The following LRRC1 variants were observed in gnomAD, a reference collection of about 807,000 sequenced individuals.
LRRC1 encodes the protein leucine rich repeat containing 1.
LRRC1 carries 28 observed loss-of-function variants against 69.9 expected under a neutral mutation model. The observed-to-expected ratio is 0.40, with a 90% CI of 0.30 to 0.55. LRRC1 has a LOEUF of 0.55. LRRC1 is among the 20% of genes least tolerant of loss of function. The pLI is 0.47. For missense variants in LRRC1, 498 were observed against 609.0 expected, an observed-to-expected ratio of 0.82 and a Z score of 1.92; for synonymous variants, 236 against 240.2, an observed-to-expected ratio of 0.98 and a Z score of 0.16.
chr6:53,801,266 A>G (rs186328130), intron 1 of LRRC1, among the ~76,000 whole-genome samples: 4 of 152,374 alleles, frequency 2.6e-5, no homozygotes, highest in East Asian at 3.9e-4. Context: ...AAACATTGCA[A>G]GCAGCCATAC....
chr6:53,862,452 T>C (rs578188360), intron 2 of LRRC1, among the ~76,000 whole-genome samples: 1 of 152,266 alleles, frequency 6.6e-6, no homozygotes, highest in East Asian at 1.9e-4. Flanking sequence ...TTACTTTGTG[T>C]GTGTGTGAAT....
chr6:53,899,929 C>T, intron 8 of LRRC1, 38 bp downstream of exon 8: 2 of 1,585,994 alleles, frequency 1.3e-6, no homozygotes, highest in Non-Finnish European at 1.7e-6. Context: ...AACATACTGC[C>T]TGCCGTCGTC....
At chr6:53,845,064 C>T (rs1339181600) in intron 2 of LRRC1, among the ~76,000 whole-genome samples, 3 of 152,108 alleles carry the variant, frequency 2.0e-5, no homozygotes, top group Non-Finnish European at 2.9e-5. Flanking sequence ...ATTAACCAGG[C>T]TTGGTGGCAC....
At chr6:53,880,114 G>A (rs1172910515) in intron 3 of LRRC1, among the ~76,000 whole-genome samples, 1 of 151,928 alleles carries the variant, frequency 6.6e-6, no homozygotes, top group African/African-American at 2.4e-5. Flanking sequence ...AAATTTCTTG[G>A]GACTTCTTGG....
intron 2 of LRRC1, among the ~76,000 whole-genome samples, chr6:53,856,968 T>A (rs1766329117): frequency 6.6e-6 from 1 of 152,150 alleles, no homozygotes; most frequent in Non-Finnish European, 1.5e-5. Flanking sequence ...AAGTTCCCAC[T>A]TCCCACCACA....
chr6:53,815,250 G>A (rs1458061678), intron 1 of LRRC1, among the ~76,000 whole-genome samples: 1 of 152,090 alleles, frequency 6.6e-6, no homozygotes, highest in Non-Finnish European at 1.5e-5. Context: ...TGGGCTTTGG[G>A]TTGAATGGGC....
At chr6:53,895,653 A>G (rs1336561742) in intron 4 of LRRC1, among the ~76,000 whole-genome samples, 1 of 152,186 alleles carries the variant, frequency 6.6e-6, no homozygotes, top group East Asian at 1.9e-4. Flanking sequence ...TGTTTTCTGA[A>G]TCAATATGTT....
At chr6:53,808,979 C>T (rs1322867362) in intron 1 of LRRC1, among the ~76,000 whole-genome samples, 1 of 152,194 alleles carries the variant, frequency 6.6e-6, no homozygotes, top group Non-Finnish European at 1.5e-5. Flanking sequence ...TTCTTTGGTG[C>T]TGGATTTCCT....
intron 10 of LRRC1, chr6:53,905,317 G>A (rs982198365): frequency 7.7e-6 from 1 of 129,382 alleles, no homozygotes; most frequent in East Asian, 2.3e-4. Context: ...CCGGGTGACA[G>A]AGCGAGACTC....
intron 2 of LRRC1, among the ~76,000 whole-genome samples, chr6:53,854,374 A>G (rs1766243672): frequency 6.6e-6 from 1 of 152,210 alleles, no homozygotes; most frequent in South Asian, 2.1e-4. Flanking sequence ...TTTAAAGTAC[A>G]TGTTCTTTGT....
chr6:53,897,760 A>G (rs957767459), intron 7 of LRRC1, among the ~76,000 whole-genome samples: 3 of 152,170 alleles, frequency 2.0e-5, no homozygotes, highest in African/African-American at 4.8e-5. Context: ...ATAATAACTC[A>G]TGTAAAAGCA....
intron 11 of LRRC1, among the ~76,000 whole-genome samples, chr6:53,914,742 C>A (rs1768513879): frequency 6.6e-6 from 1 of 152,168 alleles, no homozygotes; most frequent in Admixed American, 6.5e-5. Context: ...TCTCTGGCTC[C>A]TTGGCTCTCT....
chr6:53,878,125 G>A (rs4613824), intron 2 of LRRC1, among the ~76,000 whole-genome samples: 128,166 of 152,002 alleles, frequency 0.84, 54,118 homozygotes, highest in East Asian at 0.93. Context: ...TAACCATCAG[G>A]TCTCGTGAAA....
At position 53,851,809 on chromosome 6, in the gene LRRC1, A is replaced by C. The variant is rs368326288; in HGVS notation, c.277+9582A>C. The stretch of plus-strand genomic sequence containing the variant: ...TTATAGGAAACTCAGATGCCTGTCC[A>C]AAGAGGACAGGGTAGCCTGCCTTCC... On this transcript the variant is annotated intron_variant, in intron 2 of 13. Transcript: ENST00000370888. Among the ~76,000 whole-genome samples, 15 of 152,340 alleles carry C rather than the reference A, an allele frequency of 9.8e-5. No homozygotes were observed. In the South Asian group the frequency reaches 1.2e-3, roughly 13 times the overall value.
At chr6:53,818,002 G>A (rs1252108730) in intron 1 of LRRC1, among the ~76,000 whole-genome samples, 1 of 152,228 alleles carries the variant, frequency 6.6e-6, no homozygotes, top group Non-Finnish European at 1.5e-5. Context: ...CATGTGTAAT[G>A]TGTAATATAT....
intron 1 of LRRC1, among the ~76,000 whole-genome samples, chr6:53,813,534 T>A (rs1199320019): frequency 8.5e-6 from 1 of 117,272 alleles, no homozygotes; most frequent in East Asian, 3.1e-4. Context: ...CCTGGCTCAG[T>A]GGTTTTTTTT....
chr6:53,914,904 G>A (rs773119982), intron 11 of LRRC1, among the ~76,000 whole-genome samples: 2 of 152,170 alleles, frequency 1.3e-5, no homozygotes, highest in Non-Finnish European at 2.9e-5. Flanking sequence ...CCTAAAGTTA[G>A]ATATTCTTCT....
At chr6:53,815,218 A>G (rs190088259) in intron 1 of LRRC1, among the ~76,000 whole-genome samples, 3 of 152,300 alleles carry the variant, frequency 2.0e-5, no homozygotes, top group East Asian at 1.9e-4. Context: ...CTGGGGCCAC[A>G]CTATGAGAAA....
At chr6:53,879,768 C>G (rs1489258976) in intron 3 of LRRC1, among the ~76,000 whole-genome samples, 4 of 151,878 alleles carry the variant, frequency 2.6e-5, no homozygotes, top group African/African-American at 9.7e-5. Context: ...TTTACCCTTC[C>G]TGGTATGACA....
Sources: allele counts gnomAD v4.1 joint callset (sites outside exome capture counted in the v4.1 genomes callset), GRCh38; gene constraint gnomAD v4.1.1; transcripts MANE v1.5; gene names NCBI Gene and HGNC (gene_info 2026-07-23, HGNC 2026-07-21).